Variants in NT5C2 observed in about 807,000 individuals in gnomAD.
The protein encoded by NT5C2 is 5'-nucleotidase, cytosolic II.
In NT5C2, 58 loss-of-function variants were observed where a neutral mutation model predicts 76.1. The observed-to-expected ratio is 0.76, with a 90% CI of 0.62 to 0.95. The LOEUF (loss-of-function observed/expected upper bound fraction) is 0.95, where lower values mean the gene tolerates loss of function less well. Ranked by LOEUF, NT5C2 falls within the 40% of genes least tolerant of loss-of-function variation. NT5C2 has a pLI of 0.00. For missense variants in NT5C2, 478 were observed against 690.3 expected, an observed-to-expected ratio of 0.69 and a Z score of 3.45; for synonymous variants, 229 against 237.4, an observed-to-expected ratio of 0.96 and a Z score of 0.32.
intron 2 of NT5C2, among the ~76,000 whole-genome samples, chr10:103,179,482 C>T (rs2090682334): frequency 6.6e-6 from 1 of 151,850 alleles, no homozygotes; most frequent in African/African-American, 2.4e-5. Context: ...ACTGCATATA[C>T]ACAAACAACA....
At chr10:103,182,477 A>C (rs1184749929) in intron 1 of NT5C2, among the ~76,000 whole-genome samples, 1 of 151,970 alleles carries the variant, frequency 6.6e-6, no homozygotes, top group African/African-American at 2.4e-5. Flanking sequence ...TCTACTAAAA[A>C]TATAAAAAGT....
chr10:103,133,211 C>T (rs193224951), intron 4 of NT5C2, among the ~76,000 whole-genome samples: 1 of 152,274 alleles, frequency 6.6e-6, no homozygotes, highest in East Asian at 1.9e-4. Context: ...TGCCTTTTGC[C>T]TTTCACCTTC....
intron 4 of NT5C2, among the ~76,000 whole-genome samples, chr10:103,110,285 G>A (rs185260928): frequency 2.3e-4 from 35 of 152,166 alleles, no homozygotes; most frequent in Non-Finnish European, 8.8e-5. Flanking sequence ...GCGAAACCCC[G>A]TCTCTACTAA....
chr10:103,155,253 C>A (rs2083130154), intron 3 of NT5C2, among the ~76,000 whole-genome samples: 1 of 152,162 alleles, frequency 6.6e-6, no homozygotes, highest in South Asian at 2.1e-4. Context: ...CAGAGAGGGA[C>A]ATATAGATCC....
At chr10:103,135,711 C>T (rs1404967520) in intron 4 of NT5C2, among the ~76,000 whole-genome samples, 1 of 151,596 alleles carries the variant, frequency 6.6e-6, no homozygotes, top group African/African-American at 2.4e-5. Context: ...TCGATTGAAC[C>T]CAGGAGGCGG....
rs1269776198 is a variant in NT5C2 at position 103,129,188 on chromosome 10, C to T, written c.175+10218G>A. Among the ~76,000 whole-genome samples the T allele has an allele frequency of 1.0e-3, 106 of 101,202 alleles. 1 individual carries two copies. Among genetic ancestry groups the T allele is most frequent in the African/African-American group, 3.8e-3 (101 of 26,702 alleles). 66.4% of individuals were successfully genotyped at this position (101,202 alleles called of 152,430 possible). A position where few individuals can be genotyped will look rare whatever the true frequency, so the allele number is the denominator to read the frequency against. ...GAGGTGAGGGGTGCCTCTGCCCGGC[C>T]GCCCCTACTGGGAAGTGAGGAGCCC... is the stretch of plus-strand genomic sequence containing the variant. On this transcript the variant is annotated intron_variant, in intron 4 of 18. Transcript: ENST00000404739.
At chr10:103,193,065 CG>C (rs1206786361) in intron 1 of NT5C2, among the ~76,000 whole-genome samples, 170 bp downstream of exon 1, 4 of 148,276 alleles carry the variant, frequency 2.7e-5, no homozygotes, top group South Asian at 4.3e-4. Flanking sequence ...AGCGCGCTGG[CG>C]GGGACTCGGC....
At chr10:103,127,181 TAA>T (rs969613925) in intron 4 of NT5C2, among the ~76,000 whole-genome samples, 8 of 152,158 alleles carry the variant, frequency 5.3e-5, no homozygotes, top group African/African-American at 1.9e-4. Flanking sequence ...ATTAGATAAA[TAA>T]AGTGTTAATC....
intron 3 of NT5C2, among the ~76,000 whole-genome samples, chr10:103,142,724 C>T (rs1318308847): frequency 6.6e-6 from 1 of 152,022 alleles, no homozygotes; most frequent in African/African-American, 2.4e-5. Context: ...GTGGCTCACG[C>T]CTGTAATTCC....
intron 3 of NT5C2, among the ~76,000 whole-genome samples, chr10:103,161,885 G>A (rs1841762471): frequency 6.6e-6 from 1 of 152,138 alleles, no homozygotes; most frequent in African/African-American, 2.4e-5. Flanking sequence ...GGAGAGAGAG[G>A]GAAACGTGGA....
At chr10:103,098,800 T>G in intron 10 of NT5C2, 131 bp downstream of exon 10, 1 of 666,292 alleles carries the variant, frequency 1.5e-6, no homozygotes, top group Non-Finnish European at 2.6e-6. Flanking sequence ...TCTTGGTGAT[T>G]ATACCCGACA....
intron 4 of NT5C2, among the ~76,000 whole-genome samples, chr10:103,115,054 T>A (rs1335063508): frequency 1.3e-5 from 2 of 152,236 alleles, no homozygotes; most frequent in Non-Finnish European, 2.9e-5. Flanking sequence ...AGATAATGAA[T>A]CAAAGGTAGC....
intron 4 of NT5C2, among the ~76,000 whole-genome samples, chr10:103,133,028 T>C (rs1006032347): frequency 6.6e-6 from 1 of 152,194 alleles, no homozygotes; most frequent in African/African-American, 2.4e-5. Context: ...AAATGTCATC[T>C]TGAATTTGCA....
At chr10:103,116,037 T>A (rs1331186561) in intron 4 of NT5C2, among the ~76,000 whole-genome samples, 1 of 152,086 alleles carries the variant, frequency 6.6e-6, no homozygotes, top group Non-Finnish European at 1.5e-5. Context: ...TTCTGAAGTT[T>A]AAGAAAAATA....
intron 1 of NT5C2, among the ~76,000 whole-genome samples, chr10:103,182,495 C>T (rs747602022): frequency 3.3e-5 from 5 of 151,928 alleles, no homozygotes; most frequent in African/African-American, 9.7e-5. Flanking sequence ...AGTAGCCAGG[C>T]GTGGTGGCAG....
At chr10:103,182,889 T>C (rs1414604795) in intron 1 of NT5C2, among the ~76,000 whole-genome samples, 7 of 152,284 alleles carry the variant, frequency 4.6e-5, no homozygotes, top group Admixed American at 1.3e-4. Context: ...TTGTACTAAA[T>C]AGCCACATTT....
intron 1 of NT5C2, among the ~76,000 whole-genome samples, chr10:103,183,992 G>C (rs2091678224): frequency 6.9e-6 from 1 of 145,252 alleles, no homozygotes; most frequent in Admixed American, 6.9e-5. Context: ...CACTCTTGTT[G>C]CCCAGGCTGG....
At chr10:103,173,508 T>C (rs2088836118) in intron 3 of NT5C2, among the ~76,000 whole-genome samples, 1 of 150,790 alleles carries the variant, frequency 6.6e-6, no homozygotes, top group African/African-American at 2.4e-5. Context: ...TCCCAGCTAC[T>C]TGGGAGGCTG....
intron 4 of NT5C2, among the ~76,000 whole-genome samples, chr10:103,136,308 A>G (rs927054525): frequency 6.6e-6 from 1 of 152,248 alleles, no homozygotes; most frequent in Non-Finnish European, 1.5e-5. Flanking sequence ...CCTTGGACAA[A>G]GTGCTTGATG....
Sources: gnomAD v4.1 joint callset for allele counts (sites outside exome capture counted in the v4.1 genomes callset) on GRCh38, gnomAD v4.1.1 for gene constraint, MANE v1.5 for transcripts, NCBI Gene and HGNC (gene_info 2026-07-23, HGNC 2026-07-21) for gene names.